Variants in SCAPER observed in about 807,000 individuals in gnomAD.
The protein encoded by SCAPER is S phase cyclin A-associated protein in the endoplasmic reticulum.
SCAPER carries 98 observed loss-of-function variants against 182.2 expected under a neutral mutation model. The ratio of observed to expected loss-of-function variants is 0.54; its 90% confidence interval spans 0.46 to 0.64. The LOEUF (loss-of-function observed/expected upper bound fraction) is 0.64. SCAPER is among the 30% of genes least tolerant of loss of function. The pLI, the probability that SCAPER is intolerant of heterozygous loss-of-function variation, is 0.00. For synonymous variants in SCAPER, 605 were observed against 564.6 expected, an observed-to-expected ratio of 1.07 and a Z score of -1.01; for missense variants, 1,432 against 1,690.0, an observed-to-expected ratio of 0.85 and a Z score of 2.68.
At chr15:76,722,175 T>C (rs2060287658) in intron 17 of SCAPER, among the ~76,000 whole-genome samples, 1 of 152,188 alleles carries the variant, frequency 6.6e-6, no homozygotes, top group South Asian at 2.1e-4. Context: ...TCTGCATCTA[T>C]TGAGATAATC....
chr15:76,360,336 C>T (rs1327588954), intron 29 of SCAPER, among the ~76,000 whole-genome samples: 2 of 152,330 alleles, frequency 1.3e-5, no homozygotes, highest in East Asian at 3.9e-4. Context: ...CTGAAATGGG[C>T]AGACAGGGAT....
chr15:76,703,231 G>A (rs1390558645), intron 18 of SCAPER, among the ~76,000 whole-genome samples: 4 of 152,116 alleles, frequency 2.6e-5, no homozygotes, highest in Non-Finnish European at 4.4e-5. Context: ...TTACAGAACA[G>A]GTTCCATGGT....
chr15:76,751,710 C>A (rs577197499), intron 15 of SCAPER, among the ~76,000 whole-genome samples: 13 of 151,676 alleles, frequency 8.6e-5, no homozygotes, highest in African/African-American at 2.7e-4. Flanking sequence ...TACCTAACAC[C>A]ACATACTGAA....
chr15:76,877,988 G>C (rs1036204754), intron 2 of SCAPER, among the ~76,000 whole-genome samples: 3 of 152,142 alleles, frequency 2.0e-5, no homozygotes, highest in Non-Finnish European at 2.9e-5. Context: ...AAGGATGAAG[G>C]AGTATGTTGG....
intron 21 of SCAPER, among the ~76,000 whole-genome samples, chr15:76,623,161 T>G (rs1245760738): frequency 6.6e-6 from 1 of 152,240 alleles, no homozygotes; most frequent in Non-Finnish European, 1.5e-5. Context: ...AACCTTTGGA[T>G]GCATAGTTTG....
rs560527063 is a variant in SCAPER, at chr15:76,402,398, C to T, written c.3467+2126G>A. ...ACAGAAAGCCATTGGCAGATGACCA[C>T]GTGAACCAAAGGCACCAATAACATC... On this transcript the variant is annotated intron_variant, in intron 27 of 31. Transcript: ENST00000563290. 1.0e-3 allele frequency among the ~76,000 whole-genome samples: 156 copies of T among 152,270 alleles called. 4 individuals are homozygous for T. In the South Asian group the frequency reaches 0.031, roughly 30 times the overall value.
chr15:76,790,858 G>C (rs1282008294), intron 8 of SCAPER, among the ~76,000 whole-genome samples: 1 of 152,092 alleles, frequency 6.6e-6, no homozygotes, highest in Non-Finnish European at 1.5e-5. Flanking sequence ...GGTTTAACTT[G>C]CTTTTCTTTT....
In SCAPER at chr15:76,434,310, C is replaced by T. The variant is rs1254519176; in HGVS notation, c.3079G>A (p.Val1027Ile). 1 of 1,585,886 alleles carries T rather than the reference C, an allele frequency of 6.3e-7. No individual in the cohort carries two copies. The highest frequency in any genetic ancestry group is 8.6e-7 in the Non-Finnish European group (1 of 1,163,870). The change falls in exon 26 of 32, where the codon GTT becomes ATT. Residue 1027 changes from valine to isoleucine, a missense_variant and splice_region_variant. By Grantham distance (29) the Val-to-Ile change is conservative. This residue lies in a region of SCAPER where 718 missense variants were observed against 799.7 expected (regional missense o/e 0.90). Coordinates refer to ENST00000563290, the MANE Select transcript of SCAPER (RefSeq NM_020843.4). ...GTATTATTTTCATCTGGAACATAAA[C>T]CTAGATGAAAAAAAAGTACAGTAAA... ...LMDLLIHQLT[V>I]YVPDENNTIL...
chr15:76,537,640 T>C (rs1345600189), intron 23 of SCAPER, among the ~76,000 whole-genome samples: 2 of 151,968 alleles, frequency 1.3e-5, no homozygotes, highest in Non-Finnish European at 2.9e-5. Flanking sequence ...GGCATTACCA[T>C]TCAGGACATA....
intron 20 of SCAPER, among the ~76,000 whole-genome samples, chr15:76,666,614 A>G (rs889414596): frequency 6.6e-6 from 1 of 152,216 alleles, no homozygotes; most frequent in Non-Finnish European, 1.5e-5. Context: ...TTACACCTCA[A>G]GTGGCCTCTA....
chr15:76,592,850 C>A lies in SCAPER; in HGVS notation c.2712-18566G>T, dbSNP rs189452185. Among the ~76,000 whole-genome samples the A allele has an allele frequency of 9.9e-5, 12 of 121,636 alleles. 1 individual carries two copies. Among genetic ancestry groups the A allele is most frequent in the African/African-American group, 3.0e-4 (12 of 39,820 alleles). The allele number at this position is 121,636 out of a possible 152,430, so 79.8% of individuals were successfully genotyped here. Reference sequence around the variant, plus strand: ...GCAGACCAGGAGATTCCCTTGGGTGCCTATGCCACCAGGGCCCTGGGTTTC... The same window carrying A: ...GCAGACCAGGAGATTCCCTTGGGTGACTATGCCACCAGGGCCCTGGGTTTC... On this transcript the variant is annotated intron_variant, in intron 22 of 31. Coordinates refer to ENST00000563290, the MANE Select transcript of SCAPER (RefSeq NM_020843.4).
At chr15:76,631,412 T>C (rs2053099165) in intron 21 of SCAPER, among the ~76,000 whole-genome samples, 1 of 152,224 alleles carries the variant, frequency 6.6e-6, no homozygotes, top group African/African-American at 2.4e-5. Context: ...CAGCGTGTTT[T>C]TGTAGTGGCT....
intron 21 of SCAPER, among the ~76,000 whole-genome samples, chr15:76,624,435 C>A (rs1384426231): frequency 6.6e-6 from 1 of 152,128 alleles, no homozygotes; most frequent in African/African-American, 2.4e-5. Flanking sequence ...TCCATAGGGG[C>A]TCATGGATTG....
intron 26 of SCAPER, among the ~76,000 whole-genome samples, chr15:76,407,116 C>G (rs2044905549): frequency 6.6e-6 from 1 of 152,114 alleles, no homozygotes; most frequent in African/African-American, 2.4e-5. Flanking sequence ...TATGGGGACG[C>G]ATTCTGAGAA....
chr15:76,489,109 C>A (rs2052011611), intron 24 of SCAPER, among the ~76,000 whole-genome samples: 1 of 149,874 alleles, frequency 6.7e-6, no homozygotes, highest in African/African-American at 2.5e-5. Flanking sequence ...AAAAATGTTA[C>A]TCAATTTTCT....
intron 25 of SCAPER, among the ~76,000 whole-genome samples, chr15:76,469,101 G>T (rs1947327979): frequency 6.6e-6 from 1 of 152,122 alleles, no homozygotes; most frequent in South Asian, 2.1e-4. Flanking sequence ...TATGACATAT[G>T]ACATCTATAC....
intron 1 of SCAPER, among the ~76,000 whole-genome samples, chr15:76,886,934 T>C (rs1191226753): frequency 4.6e-5 from 7 of 152,204 alleles, no homozygotes; most frequent in Middle Eastern, 3.4e-3. Flanking sequence ...CTCACTTATA[T>C]GTGAGAGCTA....
At chr15:76,879,241 C>T (rs1438597878) in intron 2 of SCAPER, among the ~76,000 whole-genome samples, 1 of 152,208 alleles carries the variant, frequency 6.6e-6, no homozygotes, top group African/African-American at 2.4e-5. Flanking sequence ...CTATAATGCA[C>T]ATTTATTGGC....
At chr15:76,600,658 C>T (rs1467900424) in intron 22 of SCAPER, among the ~76,000 whole-genome samples, 2 of 118,424 alleles carry the variant, frequency 1.7e-5, no homozygotes, top group African/African-American at 5.1e-5. Context: ...CCATTTTGGC[C>T]ATACTGGTCT....
Sources: allele counts gnomAD v4.1 joint callset (sites outside exome capture counted in the v4.1 genomes callset), GRCh38; gene constraint gnomAD v4.1.1; regional missense constraint gnomAD v4.1.1; transcripts MANE v1.5; gene names NCBI Gene and HGNC (gene_info 2026-07-23, HGNC 2026-07-21).